The following LSAMP variants were observed in gnomAD, a reference collection of about 807,000 sequenced individuals.
LSAMP encodes the protein limbic system-associated membrane protein.
A neutral mutation model predicts 38.6 loss-of-function variants in LSAMP; 7 were observed. That is an observed-to-expected ratio of 0.18 (90% CI 0.10 to 0.34). The LOEUF is 0.34. LSAMP is among the 10% of genes least tolerant of loss of function. The pLI is 1.00. For synonymous variants in LSAMP, 154 were observed against 166.8 expected (o/e 0.92, Z 0.59); for missense variants, 313 against 420.0 (o/e 0.75, Z 2.23).
chr3:116,050,360 T>C (rs1169402115), intron 2 of LSAMP, among the ~76,000 whole-genome samples: 1 of 152,156 alleles, frequency 6.6e-6, no homozygotes, highest in Non-Finnish European at 1.5e-5. Flanking sequence ...CTTGATTTCC[T>C]TACCCCCTGC....
At chr3:116,350,292 A>T (rs1389710426) in intron 1 of LSAMP, among the ~76,000 whole-genome samples, 2 of 152,100 alleles carry the variant, frequency 1.3e-5, no homozygotes, top group East Asian at 3.9e-4. Flanking sequence ...GCAGAGGTAC[A>T]ACTATTGGTT....
chr3:116,346,941 T>G (rs941548315), intron 1 of LSAMP, among the ~76,000 whole-genome samples: 1 of 152,204 alleles, frequency 6.6e-6, no homozygotes, highest in Admixed American at 6.5e-5. Flanking sequence ...CCTCTACCCC[T>G]AAAATCAGTT....
chr3:116,252,451 T>C (rs1231618479), intron 1 of LSAMP, among the ~76,000 whole-genome samples: 1 of 152,210 alleles, frequency 6.6e-6, no homozygotes, highest in South Asian at 2.1e-4. Context: ...GCAAGACAGA[T>C]GCTTATCCAG....
chr3:116,375,813 T>A (rs1158979212), intron 1 of LSAMP, among the ~76,000 whole-genome samples: 3 of 151,976 alleles, frequency 2.0e-5, no homozygotes, highest in Non-Finnish European at 2.9e-5. Flanking sequence ...TTCGACTCTC[T>A]TTAGTGTTTT....
intron 1 of LSAMP, among the ~76,000 whole-genome samples, chr3:116,392,824 G>A (rs2048722032): frequency 6.6e-6 from 1 of 152,182 alleles, no homozygotes; most frequent in South Asian, 2.1e-4. Context: ...AGGATAGAGA[G>A]ACAATGGGGA....
At chr3:116,108,143 G>C (rs1708510903) in intron 1 of LSAMP, among the ~76,000 whole-genome samples, 1 of 152,132 alleles carries the variant, frequency 6.6e-6, no homozygotes, top group Non-Finnish European at 1.5e-5. Flanking sequence ...AGGGAGTAGA[G>C]ATATCTTATA....
At chr3:115,822,624 A>G (rs202152556) in intron 6 of LSAMP, among the ~76,000 whole-genome samples, 1 of 151,984 alleles carries the variant, frequency 6.6e-6, no homozygotes, top group African/African-American at 2.4e-5. Flanking sequence ...CCTCCCAAAG[A>G]GCTGGGATTA....
At chr3:116,206,854 G>T (rs1343214165) in intron 1 of LSAMP, among the ~76,000 whole-genome samples, 1 of 151,290 alleles carries the variant, frequency 6.6e-6, no homozygotes, top group East Asian at 1.9e-4. Flanking sequence ...TAGGTGTGCT[G>T]TGGTGCTGAA....
At chr3:116,305,145 A>C (rs1012359500) in intron 1 of LSAMP, among the ~76,000 whole-genome samples, 2 of 152,084 alleles carry the variant, frequency 1.3e-5, no homozygotes, top group Admixed American at 1.3e-4. Context: ...GAGAAATACA[A>C]ATGGGGATGC....
intron 1 of LSAMP, among the ~76,000 whole-genome samples, chr3:116,232,167 T>C (rs2046409076): frequency 6.6e-6 from 1 of 152,224 alleles, no homozygotes; most frequent in Admixed American, 6.5e-5. Context: ...TGGGTTTTAA[T>C]GGTAGTACAA....
In LSAMP at chr3:116,013,249, T is replaced by C. The variant is rs139603611; in HGVS notation, c.514+6266A>G. ...AGCACGTTAGGTTGTGCAGATCTTCTCAATGACTTAAAGGCTGACCATGTC... is the reference window on the plus strand; with the variant it reads ...AGCACGTTAGGTTGTGCAGATCTTCCCAATGACTTAAAGGCTGACCATGTC... On this transcript the variant is annotated intron_variant, in intron 3 of 6. Transcript: ENST00000490035. Among the ~76,000 whole-genome samples, 1,008 of 152,294 alleles carry C rather than the reference T, an allele frequency of 6.6e-3. 5 individuals carry two copies. Among genetic ancestry groups the C allele is most frequent in the African/African-American group, 0.022 (920 of 41,572 alleles).
At chr3:116,050,694 C>G (rs185603559) in intron 2 of LSAMP, among the ~76,000 whole-genome samples, 1 of 152,268 alleles carries the variant, frequency 6.6e-6, no homozygotes, top group Admixed American at 6.5e-5. Flanking sequence ...GTTTTAATAG[C>G]AAAATAAAAG....
intron 1 of LSAMP, among the ~76,000 whole-genome samples, chr3:116,171,540 A>G (rs1453507369): frequency 1.3e-5 from 2 of 152,142 alleles, no homozygotes; most frequent in African/African-American, 4.8e-5. Context: ...TGATTTTTTT[A>G]AATCTGATAA....
chr3:115,945,656 A>G (rs535904003), intron 3 of LSAMP, among the ~76,000 whole-genome samples: 1 of 152,288 alleles, frequency 6.6e-6, no homozygotes, highest in African/African-American at 2.4e-5. Flanking sequence ...TTCTGGTCCT[A>G]GCATCCAACC....
At chr3:116,381,297 A>G (rs961956958) in intron 1 of LSAMP, among the ~76,000 whole-genome samples, 8 of 152,106 alleles carry the variant, frequency 5.3e-5, no homozygotes, top group African/African-American at 1.7e-4. Context: ...ATCTGGAACT[A>G]TGTATTTGTG....
chr3:116,390,268 A>C (rs1334280835), intron 1 of LSAMP, among the ~76,000 whole-genome samples: 1 of 152,060 alleles, frequency 6.6e-6, no homozygotes, highest in Non-Finnish European at 1.5e-5. Context: ...TAACCAAGAC[A>C]CTGTAAGCAG....
intron 6 of LSAMP, among the ~76,000 whole-genome samples, chr3:115,832,871 A>G (rs1049083214): frequency 2.0e-5 from 3 of 152,350 alleles, no homozygotes; most frequent in Middle Eastern, 6.8e-3. Context: ...ATGAAGTTCA[A>G]GAAAATCCCT....
chr3:116,214,441 C>T (rs2046196439), intron 1 of LSAMP, among the ~76,000 whole-genome samples: 1 of 149,572 alleles, frequency 6.7e-6, no homozygotes, highest in African/African-American at 2.5e-5. Context: ...TCCTGTGGCA[C>T]AAGGCCCTGA....
chr3:116,192,921 A>G (rs753861040), intron 1 of LSAMP, among the ~76,000 whole-genome samples: 75 of 152,336 alleles, frequency 4.9e-4, no homozygotes, highest in Non-Finnish European at 4.4e-5. Context: ...ATTGGATTAC[A>G]TTGGTACCAG....
Sources: allele counts gnomAD v4.1 joint callset (sites outside exome capture counted in the v4.1 genomes callset), GRCh38; gene constraint gnomAD v4.1.1; transcripts MANE v1.5; gene names NCBI Gene and HGNC (gene_info 2026-07-23, HGNC 2026-07-21).